The following PLIN4 variants were observed in gnomAD, a reference collection of about 807,000 sequenced individuals.
PLIN4 encodes the protein perilipin 4.
Under a neutral mutation model 52.4 loss-of-function variants are expected in PLIN4, and 57 were observed. That is an observed-to-expected ratio of 1.09 (90% CI 0.88 to 1.36). The LOEUF (loss-of-function observed/expected upper bound fraction) is 1.36. PLIN4 is among the 40% of genes most tolerant of loss of function. The pLI is 0.00. For missense variants in PLIN4, 1,757 were observed against 1,770.3 expected, an observed-to-expected ratio of 0.99 and a Z score of 0.13; for synonymous variants, 826 against 785.4, an observed-to-expected ratio of 1.05 and a Z score of -0.86.
At position 4,510,823 on chromosome 19, in the gene PLIN4, T is replaced by A; in HGVS notation, c.3137A>T (p.His1046Leu). 1 of 1,611,000 alleles carries A rather than the reference T, an allele frequency of 6.2e-7. No homozygotes were observed. Among genetic ancestry groups the A allele is most frequent in the South Asian group, 1.1e-5 (1 of 91,018 alleles). ...GTTCTGGAAGGTGCTGAGGCCAGTG[T>A]GGGTGGCCCCTGTCGCCACGTTCCC... ...GSGNVATGAT[H>L]TGLSTFQNWL... Residue 1046 changes from histidine (H) to leucine (L), a missense_variant, in exon 5 of 8, where the codon CAC (histidine) becomes CTC (leucine). Around this residue, in one of 7 missense-constraint regions of PLIN4, gnomAD observed 712 missense variants for 637.1 expected, o/e 1.12. Transcript: ENST00000301286.
In PLIN4 at chr19:4,511,929, C is replaced by A; in HGVS notation, c.2031G>T (p.Val677=). 1 of 1,598,358 alleles carries A rather than the reference C, an allele frequency of 6.3e-7. No individual in the cohort carries two copies. The highest frequency in any genetic ancestry group is 8.6e-7 in the Non-Finnish European group (1 of 1,169,292). The change falls in exon 5 of 8, where the codon GTG becomes GTT. Residue 677 remains valine (V), a synonymous_variant. Coordinates refer to ENST00000301286, the MANE Select transcript of PLIN4 (RefSeq NM_001367868.2). ...FGSGVTSAVN[V]AKGAAQTGVD... ...CACCTGTCTGGGCAGCCCCTTTGGC[C>A]ACATTCACAGCACTGGTCACCCCAC...
rs765917009 is a variant in PLIN4, at chr19:4,508,867, G to T, written c.3603C>A (p.Ser1201Arg). Reference protein sequence around the residue: ...YFVRLGDLGPSFRQRAFEHAV... With the variant: ...YFVRLGDLGPRFRQRAFEHAV... ...CGTGTTCAAATGCCCGCTGGCGGAA[G>T]CTGGGACCCAGGTCACCTAAACGAA... Residue 1201 changes from serine to arginine, a missense_variant, in exon 6 of 8, where the codon AGC becomes AGA. By Grantham distance (110) the Ser-to-Arg change is moderately radical. Transcript: ENST00000301286. The T allele has an allele frequency of 2.5e-6, 4 of 1,612,964 alleles. No individual in the cohort carries two copies. The highest frequency in any genetic ancestry group is 3.4e-6 in the Non-Finnish European group (4 of 1,179,748).
chr19:4,513,401 C>T lies in PLIN4; in HGVS notation c.559G>A (p.Val187Ile), dbSNP rs61730731. 3,717 of 1,611,930 alleles carry T rather than the reference C, an allele frequency of 2.3e-3. 67 individuals carry two copies. The African/African-American group carries it at 0.044, about 19-fold the overall frequency. ...TGAVNVAKGT[V>I]QAGVDTTKTV... ...TTGGTGGTGTCCACACCGGCCTGTACGGTCCCTTTGGCCACATTCACTGCC... is the reference window on the plus strand; with the variant it reads ...TTGGTGGTGTCCACACCGGCCTGTATGGTCCCTTTGGCCACATTCACTGCC... Residue 187 changes from valine to isoleucine, a missense_variant, in exon 5 of 8, where the codon GTA becomes ATA. Physicochemically the swap from Val to Ile is conservative, Grantham distance 29. Around this residue, in one of 7 missense-constraint regions of PLIN4, gnomAD observed 332 missense variants for 310.8 expected, o/e 1.07. Transcript: ENST00000301286.
chr19:4,514,900 G>A (rs1976545608), intron 4 of PLIN4, among the ~76,000 whole-genome samples: 1 of 148,646 alleles, frequency 6.7e-6, no homozygotes, highest in African/African-American at 2.5e-5. Flanking sequence ...AACAGGCCGG[G>A]CACGGTGGCT....
chr19:4,517,591 T>C lies in PLIN4; in HGVS notation c.159A>G (p.Gly53=). The part of the protein sequence containing the change: ...ARARPAADPT[G]APAAEAAQPQ... ...GTTGGGCAGCCTCGGCAGCAGGCGC[T>C]CCTGTGGGGTCAGCGGCCGGCCGGG... is the stretch of plus-strand genomic sequence containing the variant. Residue 53 remains glycine, a synonymous_variant, in exon 3 of 8, where the codon GGA becomes GGG. Coordinates refer to ENST00000301286, the MANE Select transcript of PLIN4 (RefSeq NM_001367868.2). 6.2e-7 allele frequency: 1 copy of C among 1,610,944 alleles called. No homozygotes were observed. Among genetic ancestry groups the C allele is most frequent in the Non-Finnish European group, 8.5e-7 (1 of 1,179,228 alleles).
chr19:4,514,595 T>C (rs973962435), intron 4 of PLIN4, among the ~76,000 whole-genome samples: 3 of 149,796 alleles, frequency 2.0e-5, no homozygotes. Context: ...GGTGTGGTGG[T>C]GGGCGCCTGT....
In PLIN4 at chr19:4,504,640, A is replaced by T. The variant is rs766941356; in HGVS notation, c.3935T>A (p.Leu1312His). 5.0e-5 allele frequency: 81 copies of T among 1,604,034 alleles called. No homozygotes were observed. Among genetic ancestry groups the T allele is most frequent in the Non-Finnish European group, 6.4e-5 (75 of 1,178,404 alleles). The change falls in exon 8 of 8, where the codon CTC (leucine) becomes CAC (histidine). Residue 1312 changes from leucine to histidine, a missense_variant. Leu to His is a moderately conservative substitution (Grantham distance 99, BLOSUM62 -3). Around this residue, in one of 7 missense-constraint regions of PLIN4, gnomAD observed 712 missense variants for 637.1 expected, o/e 1.12. Transcript: ENST00000301286. ...VGRARHSLCELYGIVASAGSV... is the reference protein window; with the variant it reads ...VGRARHSLCEHYGIVASAGSV... ...GCCAGCTGAGGCCACGATGCCATAG[A>T]GCTCACAGAGGCTGTGCCGCGCCCG... is the stretch of plus-strand genomic sequence containing the variant.
At position 4,504,694 on chromosome 19, in the gene PLIN4, A is replaced by G; in HGVS notation, c.3881T>C (p.Leu1294Pro). Residue 1294 changes from leucine to proline, a missense_variant, in exon 8 of 8, where the codon CTG becomes CCG. By Grantham distance (98) the Leu-to-Pro change is moderately conservative (BLOSUM62 -3). Around this residue, in one of 7 missense-constraint regions of PLIN4, gnomAD observed 712 missense variants for 637.1 expected, o/e 1.12. Transcript: ENST00000301286. Reference sequence around the variant, plus strand: ...CACTGGCTGCTGGAGCTCGGCGGGCAGGCCCTGGAGGCTGGAGACCAGGCC... The same window carrying G: ...CACTGGCTGCTGGAGCTCGGCGGGCGGGCCCTGGAGGCTGGAGACCAGGCC... ...YSGLVSSLQG[L>P]PAELQQPVGR... The G allele has an allele frequency of 6.2e-7, 1 of 1,600,464 alleles. No homozygotes were observed.
At chr19:4,505,979 T>C (rs1039628626) in intron 6 of PLIN4, among the ~76,000 whole-genome samples, 4 of 152,108 alleles carry the variant, frequency 2.6e-5, no homozygotes, top group Non-Finnish European at 4.4e-5. Flanking sequence ...CGGGCAGCTC[T>C]GACTTCGAAA....
chr19:4,505,111 G>C (rs759609080), intron 6 of PLIN4, among the ~76,000 whole-genome samples, 164 bp from the exon 7 acceptor site: 2 of 152,194 alleles, frequency 1.3e-5, no homozygotes, highest in Non-Finnish European at 2.9e-5. Flanking sequence ...CTTGCAGAAA[G>C]AGGCAATAGT....
At position 4,510,642 on chromosome 19, in the gene PLIN4, G is replaced by C; in HGVS notation, c.3318C>G (p.Ala1106=). 6.6e-7 allele frequency: 1 copy of C among 1,506,560 alleles called. No homozygotes were observed. The highest frequency in any genetic ancestry group is 8.9e-7 in the Non-Finnish European group (1 of 1,129,012). 93.3% of individuals were successfully genotyped at this position (1,506,560 alleles called of 1,614,324 possible). Residue 1106 remains alanine, a synonymous_variant, in exon 5 of 8, where the codon GCC becomes GCG. Coordinates refer to ENST00000301286, the MANE Select transcript of PLIN4 (RefSeq NM_001367868.2). The part of the protein sequence containing the change: ...PDVLSVGPEP[A]WEAAATTKGL... ...CCTTGGTAGTGGCTGCGGCTTCCCAGGCAGGCTCCGGGCCTACACTGAGCA... is the reference window on the plus strand; with the variant it reads ...CCTTGGTAGTGGCTGCGGCTTCCCACGCAGGCTCCGGGCCTACACTGAGCA...
Position 4,504,800 on chromosome 19 carries a change from C to T in PLIN4, c.3790-15G>A, listed in dbSNP as rs146338678. The T allele has an allele frequency of 8.5e-3, 13,606 of 1,602,128 alleles. 89 individuals are homozygous for T. The highest frequency in any genetic ancestry group is 0.021 in the Middle Eastern group (126 of 6,036). On this transcript the variant is annotated splice_polypyrimidine_tract_variant and intron_variant, in intron 7 of 7. Coordinates refer to ENST00000301286, the MANE Select transcript of PLIN4 (RefSeq NM_001367868.2). The stretch of plus-strand genomic sequence containing the variant: ...GCATCCCGCTCCTGTGGGAGGAAGG[C>T]GCAAGGTGAGTGGAGACCCATGGGC...
chr19:4,508,916 G>C lies in PLIN4; in HGVS notation c.3554C>G (p.Ser1185Trp), dbSNP rs368569854. The C allele has an allele frequency of 2.5e-6, 4 of 1,612,834 alleles. No homozygotes were observed. The highest frequency in any genetic ancestry group is 3.4e-6 in the Non-Finnish European group (4 of 1,179,760). The change falls in exon 6 of 8, where the codon TCG becomes TGG. Residue 1185 changes from serine to tryptophan, a missense_variant. Coordinates refer to ENST00000301286, the MANE Select transcript of PLIN4 (RefSeq NM_001367868.2). ...AASQPGPKVL[S>W]AEQGSYFVRL... ...AACGAAGTAGCTCCCCTGTTCCGCCGACAGCACCTTTGGCCCAGGCTGGGA... is the reference window on the plus strand; with the variant it reads ...AACGAAGTAGCTCCCCTGTTCCGCCCACAGCACCTTTGGCCCAGGCTGGGA...
chr19:4,511,890 C>A lies in PLIN4; in HGVS notation c.2070G>T (p.Lys690Asn), dbSNP rs372822966. The change falls in exon 5 of 8, where the codon AAG becomes AAT. Residue 690 changes from lysine (K) to asparagine (N), a missense_variant. Around this residue, in one of 7 missense-constraint regions of PLIN4, gnomAD observed 96 missense variants for 136.5 expected, o/e 0.70. Coordinates refer to ENST00000301286, the MANE Select transcript of PLIN4 (RefSeq NM_001367868.2). ...GAAQTGVDTA[K>N]TVLTGTKDTV... ...TGTCCTTGGTGCCGGTCAGCACGGT[C>A]TTGGCCGTGTCTACACCTGTCTGGG... 6 of 1,608,272 alleles carry A rather than the reference C, an allele frequency of 3.7e-6. No individual in the cohort carries two copies. The highest frequency in any genetic ancestry group is 4.3e-6 in the Non-Finnish European group (5 of 1,175,394).
In PLIN4 at chr19:4,512,152, G is replaced by A. The variant is rs200739053; in HGVS notation, c.1808C>T (p.Thr603Ile). 1,051 of 1,605,998 alleles carry A rather than the reference G, an allele frequency of 6.5e-4. 1 individual carries two copies. The highest frequency in any genetic ancestry group is 8.3e-4 in the Non-Finnish European group (981 of 1,177,690). The stretch of plus-strand genomic sequence containing the variant: ...GACATTCACTGCCCCCACGAGCCCA[G>A]TAGTCACTGTGTCCTTGGTGCCGGT... ...VLTGTKDTVT[T>I]GLVGAVNVAK... is the part of the protein sequence containing the mutation. The change falls in exon 5 of 8, where the codon ACT becomes ATT. Residue 603 changes from threonine to isoleucine, a missense_variant. By Grantham distance (89) the Thr-to-Ile change is moderately conservative (BLOSUM62 -1). This residue lies in a region of PLIN4 where 439 missense variants were observed against 406.4 expected (regional missense o/e 1.08). Transcript: ENST00000301286.
intron 5 of PLIN4, among the ~76,000 whole-genome samples, chr19:4,509,583 C>T (rs1976222860): frequency 6.6e-6 from 1 of 151,990 alleles, no homozygotes; most frequent in South Asian, 2.1e-4. Flanking sequence ...CTGACACTGC[C>T]ACTGGACTCC....
intron 5 of PLIN4, among the ~76,000 whole-genome samples, chr19:4,509,517 C>T (rs894959373): frequency 4.6e-5 from 7 of 151,512 alleles, no homozygotes; most frequent in East Asian, 1.9e-4. Flanking sequence ...CGCAGCTACT[C>T]GGGAGGCTGA....
Position 4,511,573 on chromosome 19 carries a change from T to A in PLIN4, c.2387A>T (p.Lys796Met). The change falls in exon 5 of 8, where the codon AAG (lysine) becomes ATG (methionine). Residue 796 changes from lysine to methionine, a missense_variant. Coordinates refer to ENST00000301286, the MANE Select transcript of PLIN4 (RefSeq NM_001367868.2). ...GGTCACCCCACTGCACACAGCATCC[T>A]TGGTACCAGTTAACACAGTCTTGGT... ...DTTKTVLTGT[K>M]DAVCSGVTGA... 6.8e-7 allele frequency: 1 copy of A among 1,481,368 alleles called. No individual in the cohort carries two copies. The highest frequency in any genetic ancestry group is 9.0e-7 in the Non-Finnish European group (1 of 1,113,540). The allele number at this position is 1,481,368 out of a possible 1,614,324, so 91.8% of individuals were successfully genotyped here.
In PLIN4 at chr19:4,512,797, C is replaced by T; in HGVS notation, c.1163G>A (p.Gly388Asp). ...VNLAKEAIQG[G>D]LDTTKSMVMG... ...GACCATAGACTTGGTGGTATCCAGG[C>T]CCCCCTGGATGGCCTCTTTGGCCAA... The change falls in exon 5 of 8, where the codon GGC (glycine) becomes GAC (aspartate). Residue 388 changes from glycine (G) to aspartate (D), a missense_variant. Transcript: ENST00000301286. The T allele has an allele frequency of 6.4e-7, 1 of 1,564,770 alleles. No homozygotes were observed. The highest frequency in any genetic ancestry group is 8.6e-7 in the Non-Finnish European group (1 of 1,161,636).
Sources: allele counts gnomAD v4.1 joint callset (sites outside exome capture counted in the v4.1 genomes callset), GRCh38; gene constraint gnomAD v4.1.1; regional missense constraint gnomAD v4.1.1; transcripts MANE v1.5; gene names NCBI Gene and HGNC (gene_info 2026-07-23, HGNC 2026-07-21).